The following GRIN2A variants were observed in gnomAD, a reference collection of about 807,000 sequenced individuals.
The protein encoded by GRIN2A is glutamate receptor ionotropic, NMDA 2A.
Under a neutral mutation model 113.4 loss-of-function variants are expected in GRIN2A, and 22 were observed. The ratio of observed to expected loss-of-function variants is 0.19; its 90% CI spans 0.14 to 0.28. The LOEUF (loss-of-function observed/expected upper bound fraction) is 0.28. Among genes scored for constraint, GRIN2A ranks in the 10% least tolerant of loss-of-function variants. GRIN2A has a pLI of 1.00. For missense variants in GRIN2A, 1,502 were observed against 1,887.0 expected (o/e 0.80, Z 3.78); for synonymous variants, 827 against 738.4 (o/e 1.12, Z -1.94).
chr16:9,806,971 A>G (rs768557192), intron 10 of GRIN2A, among the ~76,000 whole-genome samples: 30 of 151,560 alleles, frequency 2.0e-4, no homozygotes, highest in Non-Finnish European at 2.9e-4. Flanking sequence ...GTGGTAGTGA[A>G]TAAGTCTCAT....
Position 10,095,198 on chromosome 16 carries a change from C to T in GRIN2A, c.414+84800G>A, listed in dbSNP as rs144711035. Among the ~76,000 whole-genome samples the T allele has an allele frequency of 1.9e-3, 286 of 152,246 alleles. 2 individuals carry two copies. The highest frequency in any genetic ancestry group is 6.5e-3 in the Admixed American group (99 of 15,288). On this transcript the variant is annotated intron_variant, in intron 2 of 12. Transcript: ENST00000330684. ...GAGAGCCCTTACTCAAACCCAACCA[C>T]GCCAGCTCCCTGATCTTGGACTTCC...
chr16:9,991,427 G>A (rs1158680385), intron 2 of GRIN2A, among the ~76,000 whole-genome samples: 3 of 152,122 alleles, frequency 2.0e-5, no homozygotes, highest in Non-Finnish European at 4.4e-5. Flanking sequence ...TAGATTTAAG[G>A]GATACAACTG....
intron 2 of GRIN2A, among the ~76,000 whole-genome samples, chr16:9,963,889 A>G (rs891535682): frequency 6.6e-6 from 1 of 152,208 alleles, no homozygotes; most frequent in Non-Finnish European, 1.5e-5. Context: ...TGTGCCAGAC[A>G]TAGTGCCATG....
intron 2 of GRIN2A, among the ~76,000 whole-genome samples, chr16:10,132,347 A>AAAAAAAAAAAAAAAAAAAAAG (rs2049083079): frequency 6.6e-6 from 1 of 151,044 alleles, no homozygotes; most frequent in Non-Finnish European, 1.5e-5. Context: ...TCTCAAAAAA[A>AAAAAAAAAAAAAAAAAAAAAG]AAAAAAAAAA....
chr16:9,952,501 G>C (rs940657105), intron 2 of GRIN2A, among the ~76,000 whole-genome samples: 10 of 152,142 alleles, frequency 6.6e-5, no homozygotes, highest in African/African-American at 2.4e-4. Flanking sequence ...TGTGGCTAGG[G>C]GAAGAGGCAG....
intron 4 of GRIN2A, among the ~76,000 whole-genome samples, chr16:9,877,210 G>C (rs527762785): frequency 6.6e-6 from 1 of 152,108 alleles, no homozygotes; most frequent in Non-Finnish European, 1.5e-5. Context: ...GTTATTATGC[G>C]GCTAAAGTGA....
rs79079877 is a variant in GRIN2A at position 9,758,845 on chromosome 16, A to T, written c.*4304T>A. Reference sequence around the variant, plus strand: ...CCTGTTCACCAAAAAGAGATGGGGTATCTGGAAAGGTCTAATTTTGTCTCC... The same window carrying T: ...CCTGTTCACCAAAAAGAGATGGGGTTTCTGGAAAGGTCTAATTTTGTCTCC... On this transcript the variant is annotated 3_prime_UTR_variant, in exon 13 of 13. Transcript: ENST00000330684. 1 of 216,000 alleles carries T rather than the reference A, an allele frequency of 4.6e-6. No individual in the cohort carries two copies. Among genetic ancestry groups the T allele is most frequent in the South Asian group, 1.9e-4 (1 of 5,386 alleles). The allele number at this position is 216,000 out of a possible 1,614,324, so 13.4% of individuals were successfully genotyped here. A position where few individuals can be genotyped will look rare whatever the true frequency, so the allele number is the denominator to read the frequency against.
chr16:10,069,436 C>T (rs551301061), intron 2 of GRIN2A, among the ~76,000 whole-genome samples: 2 of 152,318 alleles, frequency 1.3e-5, no homozygotes, highest in Admixed American at 1.3e-4. Context: ...AGACAACACA[C>T]ACACCAGGCT....
Position 9,770,722 on chromosome 16 carries a change from T to A in GRIN2A, c.2357-1633A>T, listed in dbSNP as rs150840307. 2.2e-3 allele frequency among the ~76,000 whole-genome samples: 336 copies of A among 152,328 alleles called. 3 individuals carry two copies. The East Asian group carries it at 0.037, about 17-fold the overall frequency. ...TTAGAACTTTAGTTCTGGCAAAAAT[T>A]CACCTGCTATGGCTTTGAATATTAC... is the stretch of plus-strand genomic sequence containing the variant. On this transcript the variant is annotated intron_variant, in intron 11 of 12. Transcript: ENST00000330684.
intron 2 of GRIN2A, among the ~76,000 whole-genome samples, chr16:10,171,955 G>A (rs1046787584): frequency 6.6e-6 from 1 of 152,148 alleles, no homozygotes; most frequent in African/African-American, 2.4e-5. Flanking sequence ...TTAAATTCAG[G>A]CAATCTAACT....
At chr16:10,168,972 TAAC>T (rs1315637217) in intron 2 of GRIN2A, among the ~76,000 whole-genome samples, 2 of 92,880 alleles carry the variant, frequency 2.2e-5, no homozygotes, top group East Asian at 2.5e-4. Flanking sequence ...TCTCAAATAA[TAAC>T]AATAATAATA....
intron 2 of GRIN2A, among the ~76,000 whole-genome samples, chr16:10,049,581 G>T (rs879835935): frequency 5.9e-5 from 9 of 152,068 alleles, no homozygotes; most frequent in Non-Finnish European, 1.3e-4. Flanking sequence ...GTTTCACCAT[G>T]TTGCCCAGGC....
At chr16:9,931,052 C>T (rs909409170) in intron 3 of GRIN2A, among the ~76,000 whole-genome samples, 1 of 152,100 alleles carries the variant, frequency 6.6e-6, no homozygotes, top group Non-Finnish European at 1.5e-5. Flanking sequence ...AAATAACTTC[C>T]CTTCAATACT....
chr16:10,150,492 A>T (rs1340070538), intron 2 of GRIN2A, among the ~76,000 whole-genome samples: 2 of 152,190 alleles, frequency 1.3e-5, no homozygotes, highest in African/African-American at 4.8e-5. Context: ...AAGTCTTTTC[A>T]TGGCCAAGTC....
At chr16:9,850,909 G>T (rs566506923) in intron 4 of GRIN2A, among the ~76,000 whole-genome samples, 1 of 152,198 alleles carries the variant, frequency 6.6e-6, no homozygotes, top group East Asian at 1.9e-4. Context: ...AGCTGCCCCC[G>T]CACCGCTCTT....
At chr16:10,124,991 G>A (rs1397877313) in intron 2 of GRIN2A, among the ~76,000 whole-genome samples, 18 of 152,112 alleles carry the variant, frequency 1.2e-4, no homozygotes, top group Admixed American at 1.0e-3. Context: ...CCCTAGGGTT[G>A]GAAAGAACAA....
intron 2 of GRIN2A, among the ~76,000 whole-genome samples, chr16:10,063,965 C>T (rs2142013251): frequency 6.6e-6 from 1 of 152,124 alleles, no homozygotes; most frequent in African/African-American, 2.4e-5. Flanking sequence ...TAATTAGAGC[C>T]CTTCTAGAAT....
intron 2 of GRIN2A, among the ~76,000 whole-genome samples, chr16:9,998,964 AG>A (rs774462012): frequency 7.9e-5 from 12 of 152,296 alleles, no homozygotes; most frequent in Admixed American, 3.3e-4. Context: ...GAATATACAA[AG>A]AATCCTTATT....
intron 3 of GRIN2A, among the ~76,000 whole-genome samples, chr16:9,897,672 AT>A (rs1283253728): frequency 1.3e-5 from 2 of 152,212 alleles, no homozygotes; most frequent in Non-Finnish European, 2.9e-5. Flanking sequence ...TAAATAAAAT[AT>A]ATTATTAAAA....
Sources: allele counts gnomAD v4.1 joint callset (sites outside exome capture counted in the v4.1 genomes callset), GRCh38; gene constraint gnomAD v4.1.1; transcripts MANE v1.5; gene names NCBI Gene and HGNC (gene_info 2026-07-23, HGNC 2026-07-21).